The following CTNND2 variants were observed in gnomAD, a reference collection of about 807,000 sequenced individuals.
CTNND2 encodes catenin delta 2, also known as catenin delta-2.
CTNND2 carries 22 observed loss-of-function variants against 144.4 expected under a neutral mutation model. The ratio of observed to expected loss-of-function variants is 0.15; its 90% CI spans 0.11 to 0.22. The LOEUF (loss-of-function observed/expected upper bound fraction) is 0.22. Among genes scored for constraint, CTNND2 ranks in the 10% least tolerant of loss-of-function variants. CTNND2 has a pLI of 1.00. For missense variants in CTNND2, 1,353 were observed against 1,618.8 expected (o/e 0.84, Z 2.82); for synonymous variants, 751 against 695.6 (o/e 1.08, Z -1.25).
chr5:11,307,585 A>G (rs1202380291), intron 9 of CTNND2, among the ~76,000 whole-genome samples: 1 of 152,176 alleles, frequency 6.6e-6, no homozygotes, highest in African/African-American at 2.4e-5. Context: ...ATCTAAAGGG[A>G]TCATCTTATG....
chr5:11,581,979 A>G (rs966461614), intron 2 of CTNND2, among the ~76,000 whole-genome samples: 2 of 152,204 alleles, frequency 1.3e-5, no homozygotes, highest in Non-Finnish European at 2.9e-5. Context: ...TAAATAAATG[A>G]GCATAAAATG....
chr5:11,892,822 A>T (rs1737083680), intron 1 of CTNND2, among the ~76,000 whole-genome samples: 1 of 152,206 alleles, frequency 6.6e-6, no homozygotes, highest in Non-Finnish European at 1.5e-5. Context: ...TATTCCAAGA[A>T]TCAGTGAACA....
intron 3 of CTNND2, among the ~76,000 whole-genome samples, chr5:11,525,478 T>C (rs1773158119): frequency 1.3e-5 from 2 of 152,084 alleles, no homozygotes; most frequent in Admixed American, 6.6e-5. Context: ...TTGATTCAGA[T>C]CTCAGCCTTT....
At position 11,149,266 on chromosome 5, in the gene CTNND2, C is replaced by T. The variant is rs539322475; in HGVS notation, c.2159+10310G>A. On this transcript the variant is annotated intron_variant, in intron 12 of 21. Transcript: ENST00000304623. ...GCAGTCAGCACCCATCACGGTGACGCTTTCCTTTGGCAGAACCCTCATGTG... is the reference window on the plus strand; with the variant it reads ...GCAGTCAGCACCCATCACGGTGACGTTTTCCTTTGGCAGAACCCTCATGTG... Among the ~76,000 whole-genome samples the T allele has an allele frequency of 5.3e-5, 8 of 152,336 alleles. No homozygotes were observed. The South Asian group carries it at 1.7e-3, about 32-fold the overall frequency.
intron 11 of CTNND2, among the ~76,000 whole-genome samples, chr5:11,193,608 C>T (rs980078869): frequency 1.6e-4 from 25 of 152,046 alleles, no homozygotes; most frequent in Admixed American, 1.2e-3. Context: ...CTTTTGGTGC[C>T]TCTTGGTGTA....
chr5:11,479,424 TG>T (rs1406097407), intron 3 of CTNND2, among the ~76,000 whole-genome samples: 1 of 152,206 alleles, frequency 6.6e-6, no homozygotes, highest in Non-Finnish European at 1.5e-5. Context: ...GTAGATAACA[TG>T]TCTTTGCTAT....
chr5:11,456,063 A>G (rs1022840154), intron 3 of CTNND2, among the ~76,000 whole-genome samples: 3 of 152,250 alleles, frequency 2.0e-5, no homozygotes. Context: ...CTACAAATTA[A>G]TATGTGCACT....
chr5:11,666,937 G>C (rs947879249), intron 2 of CTNND2, among the ~76,000 whole-genome samples: 13 of 151,758 alleles, frequency 8.6e-5, no homozygotes, highest in Admixed American at 2.6e-4. Context: ...CCCCTGACAG[G>C]CCCCAGTGTG....
intron 1 of CTNND2, among the ~76,000 whole-genome samples, chr5:11,839,386 G>T (rs1698189772): frequency 6.6e-6 from 1 of 152,004 alleles, no homozygotes; most frequent in African/African-American, 2.4e-5. Flanking sequence ...AAAAACAGAG[G>T]TGTCTATATC....
chr5:11,598,726 AC>A (rs1180151493), intron 2 of CTNND2, among the ~76,000 whole-genome samples: 1 of 152,180 alleles, frequency 6.6e-6, no homozygotes, highest in Non-Finnish European at 1.5e-5. Context: ...ATGAGACTTA[AC>A]CAAAAGATTT....
intron 16 of CTNND2, among the ~76,000 whole-genome samples, chr5:11,046,887 G>A (rs1745320726): frequency 1.3e-5 from 2 of 152,142 alleles, no homozygotes; most frequent in African/African-American, 4.8e-5. Flanking sequence ...GCTCCCTGGA[G>A]TTAACAAAGC....
At chr5:11,498,277 GCA>G (rs994884826) in intron 3 of CTNND2, among the ~76,000 whole-genome samples, 1 of 151,152 alleles carries the variant, frequency 6.6e-6, no homozygotes, top group Non-Finnish European at 1.5e-5. Context: ...TTGCAAACAA[GCA>G]CACACACATA....
At chr5:11,296,470 A>G (rs1050526852) in intron 9 of CTNND2, among the ~76,000 whole-genome samples, 2 of 152,234 alleles carry the variant, frequency 1.3e-5, no homozygotes, top group African/African-American at 4.8e-5. Context: ...TGACCCAGCC[A>G]TCCCATTACT....
chr5:11,137,113 T>C (rs991382022), intron 12 of CTNND2, among the ~76,000 whole-genome samples: 43 of 152,356 alleles, frequency 2.8e-4, no homozygotes, highest in South Asian at 1.9e-3. Flanking sequence ...AGTTGTTGAA[T>C]TGAAAAGACA....
intron 1 of CTNND2, among the ~76,000 whole-genome samples, chr5:11,832,376 A>C (rs1433929568): frequency 6.6e-6 from 1 of 152,202 alleles, no homozygotes; most frequent in Non-Finnish European, 1.5e-5. Flanking sequence ...GGGAGAAGAT[A>C]TCTCCAAAGC....
intron 16 of CTNND2, among the ~76,000 whole-genome samples, chr5:11,057,469 C>A (rs931831426): frequency 6.6e-6 from 1 of 152,312 alleles, no homozygotes; most frequent in African/African-American, 2.4e-5. Flanking sequence ...TGCCTGCTGC[C>A]ATCCACGTAA....
intron 1 of CTNND2, among the ~76,000 whole-genome samples, chr5:11,874,297 A>AG (rs1479188152): frequency 5.3e-5 from 8 of 152,330 alleles, no homozygotes; most frequent in Non-Finnish European, 7.4e-5. Context: ...TAGCAGTCTG[A>AG]GGGGAATATG....
chr5:11,847,890 T>C (rs1794821936), intron 1 of CTNND2, among the ~76,000 whole-genome samples: 2 of 152,146 alleles, frequency 1.3e-5, no homozygotes, highest in Admixed American at 1.3e-4. Flanking sequence ...ATTAATGAAT[T>C]ACTTGTGAAT....
At chr5:11,359,218 C>G (rs573225476) in intron 8 of CTNND2, among the ~76,000 whole-genome samples, 2 of 152,338 alleles carry the variant, frequency 1.3e-5, no homozygotes, top group South Asian at 4.1e-4. Context: ...CAAGCCTCAT[C>G]TCACATGAAA....
Sources: gnomAD v4.1 joint callset for allele counts (sites outside exome capture counted in the v4.1 genomes callset) on GRCh38, gnomAD v4.1.1 for gene constraint, MANE v1.5 for transcripts, NCBI Gene and HGNC (gene_info 2026-07-23, HGNC 2026-07-21) for gene names.